OPCML: variants seen among roughly 807,000 people sequenced by gnomAD.
OPCML encodes the protein opioid-binding protein/cell adhesion molecule.
A neutral mutation model predicts 37.8 loss-of-function variants in OPCML; 13 were observed. The ratio of observed to expected loss-of-function variants is 0.34; its 90% CI spans 0.22 to 0.55. OPCML has a LOEUF of 0.55. Ranked by LOEUF, OPCML falls within the 20% of genes least tolerant of loss-of-function variation. The pLI, the probability that OPCML is intolerant of heterozygous loss-of-function variation, is 0.91. For missense variants in OPCML, 341 were observed against 435.6 expected (o/e 0.78, Z 1.93); for synonymous variants, 176 against 168.8 (o/e 1.04, Z -0.33).
chr11:133,243,870 G>T (rs1339028863), intron 1 of OPCML, among the ~76,000 whole-genome samples: 1 of 152,224 alleles, frequency 6.6e-6, no homozygotes, highest in African/African-American at 2.4e-5. Flanking sequence ...ACCTCTTGGA[G>T]CCAGGGTAGA....
intron 2 of OPCML, among the ~76,000 whole-genome samples, chr11:132,696,020 C>T (rs897017435): frequency 3.3e-5 from 5 of 152,170 alleles, no homozygotes; most frequent in African/African-American, 1.2e-4. Context: ...TCCTCCAGCC[C>T]TTCCTGCACA....
intron 2 of OPCML, among the ~76,000 whole-genome samples, chr11:132,700,440 G>A (rs1211157687): frequency 6.6e-6 from 1 of 151,882 alleles, no homozygotes; most frequent in Non-Finnish European, 1.5e-5. Context: ...ATCTCCACTT[G>A]AAGCTGTTTT....
chr11:133,298,891 G>C (rs1942704941), intron 1 of OPCML: 1 of 151,876 alleles, frequency 6.6e-6, no homozygotes, highest in Non-Finnish European at 1.5e-5. Context: ...TGGAGGTGCA[G>C]AAAGAGGAAA....
At chr11:132,520,453 A>G (rs2096290084) in intron 4 of OPCML, among the ~76,000 whole-genome samples, 1 of 152,196 alleles carries the variant, frequency 6.6e-6, no homozygotes, top group Admixed American at 6.5e-5. Context: ...GAGATGATTC[A>G]TGTGAAAATA....
chr11:132,483,641 G>A (rs1310712741), intron 4 of OPCML, among the ~76,000 whole-genome samples: 1 of 152,166 alleles, frequency 6.6e-6, no homozygotes, highest in Non-Finnish European at 1.5e-5. Context: ...AAAGCTGGAG[G>A]CATCACATTA....
At chr11:133,345,298 T>C (rs1249958555) in intron 1 of OPCML, among the ~76,000 whole-genome samples, 1 of 152,244 alleles carries the variant, frequency 6.6e-6, no homozygotes, top group Admixed American at 6.5e-5. Flanking sequence ...TTTAAAAATG[T>C]GGCAGAGGCA....
intron 2 of OPCML, among the ~76,000 whole-genome samples, chr11:132,770,266 T>C (rs1213164990): frequency 2.0e-5 from 3 of 152,126 alleles, no homozygotes; most frequent in Non-Finnish European, 2.9e-5. Flanking sequence ...TGTGTTTTTG[T>C]TGAGTGTGTT....
At chr11:132,436,298 ACT>A in intron 6 of OPCML, 61 bp from the exon 7 acceptor site, 1 of 1,610,848 alleles carries the variant, frequency 6.2e-7, no homozygotes, top group Admixed American at 1.7e-5. Flanking sequence ...TCCTCACCAA[ACT>A]CTTTTCTCCA....
intron 1 of OPCML, among the ~76,000 whole-genome samples, chr11:133,264,428 TG>T (rs1941590867): frequency 6.6e-6 from 1 of 152,220 alleles, no homozygotes; most frequent in Non-Finnish European, 1.5e-5. Flanking sequence ...CAGAAGGTGT[TG>T]CTGTCTTACA....
intron 1 of OPCML, among the ~76,000 whole-genome samples, chr11:133,087,589 G>A (rs1591989883): frequency 6.6e-6 from 1 of 152,220 alleles, no homozygotes; most frequent in East Asian, 1.9e-4. Context: ...CTGCTTCACA[G>A]AGTTTAACAT....
intron 2 of OPCML, among the ~76,000 whole-genome samples, chr11:132,777,896 T>C (rs972487803): frequency 2.6e-5 from 4 of 152,176 alleles, no homozygotes; most frequent in African/African-American, 9.7e-5. Context: ...AAACCTTTTC[T>C]CTCTCTTTTT....
chr11:133,489,849 T>C (rs544999910), intron 1 of OPCML, among the ~76,000 whole-genome samples: 1 of 141,616 alleles, frequency 7.1e-6, no homozygotes, highest in East Asian at 2.0e-4. Context: ...TATATATATA[T>C]ATATTTTTTT....
intron 2 of OPCML, among the ~76,000 whole-genome samples, chr11:132,925,356 T>G (rs1212178968): frequency 1.3e-5 from 2 of 152,200 alleles, no homozygotes; most frequent in Non-Finnish European, 2.9e-5. Context: ...CATCCTGCAG[T>G]GGGATAGGTT....
intron 3 of OPCML, among the ~76,000 whole-genome samples, chr11:132,580,341 A>G (rs547562190): frequency 9.4e-4 from 143 of 152,316 alleles, no homozygotes; most frequent in South Asian, 3.7e-3. Context: ...GGAAAGAAAC[A>G]TGAGAAGTAT....
At chr11:133,394,969 G>C (rs942675736) in intron 1 of OPCML, among the ~76,000 whole-genome samples, 5 of 152,182 alleles carry the variant, frequency 3.3e-5, no homozygotes, top group African/African-American at 1.2e-4. Context: ...CACAGTGGTT[G>C]TACTAATTTA....
intron 1 of OPCML, among the ~76,000 whole-genome samples, chr11:133,041,586 T>C (rs993656723): frequency 2.2e-4 from 33 of 152,220 alleles, no homozygotes; most frequent in Admixed American, 2.1e-3. Context: ...TTCTGGCAAC[T>C]GCGTCGCATA....
At chr11:133,115,276 G>A (rs1354625441) in intron 1 of OPCML, among the ~76,000 whole-genome samples, 7 of 152,180 alleles carry the variant, frequency 4.6e-5, no homozygotes, top group African/African-American at 1.4e-4. Flanking sequence ...AGAGGACTGG[G>A]CGGACATCCA....
Position 133,138,867 on chromosome 11 carries a change from G to A in OPCML, c.62-195857C>T, listed in dbSNP as rs532624533. ...TTTACTGAGCTCCTAAGCATTGCCC[G>A]GAATGCTTGAATGATCAGCAAGTCT... On this transcript the variant is annotated intron_variant, in intron 1 of 7. Coordinates refer to ENST00000524381, the MANE Select transcript of OPCML (RefSeq NM_001012393.5). Among the ~76,000 whole-genome samples the A allele has an allele frequency of 1.1e-4, 16 of 152,210 alleles. No homozygotes were observed. In the South Asian group the frequency reaches 1.7e-3, roughly 16 times the overall value.
At chr11:132,643,189 A>G (rs1940958051) in intron 3 of OPCML, among the ~76,000 whole-genome samples, 1 of 152,180 alleles carries the variant, frequency 6.6e-6, no homozygotes, top group African/African-American at 2.4e-5. Context: ...AGGCATGAGA[A>G]TCACTTGAAT....
Sources: gnomAD v4.1 joint callset for allele counts (sites outside exome capture counted in the v4.1 genomes callset) on GRCh38, gnomAD v4.1.1 for gene constraint, MANE v1.5 for transcripts, NCBI Gene and HGNC (gene_info 2026-07-23, HGNC 2026-07-21) for gene names.